Variants in RASEF observed in about 807,000 individuals in gnomAD.
RASEF encodes the protein ras and EF-hand domain-containing protein.
A neutral mutation model predicts 90.1 loss-of-function variants in RASEF; 68 were observed. That is an observed-to-expected ratio of 0.75 (90% CI 0.62 to 0.92). The LOEUF (loss-of-function observed/expected upper bound fraction) is 0.92, where lower values mean the gene tolerates loss of function less well. Ranked by LOEUF, RASEF falls within the 40% of genes least tolerant of loss-of-function variation. The pLI is 0.00. For missense variants in RASEF, 949 were observed against 937.2 expected, an observed-to-expected ratio of 1.01 and a Z score of -0.16; for synonymous variants, 331 against 345.2, an observed-to-expected ratio of 0.96 and a Z score of 0.46.
At chr9:83,089,903 TAGATAGATA>T in the RASEF span, among the ~76,000 whole-genome samples, 5 of 138,102 alleles carry the variant, frequency 3.6e-5, no homozygotes, top group African/African-American at 1.0e-4. Context: ...GATAGATAGA[TAGATAGATA>T]GATAGATAGA....
upstream of RASEF, among the ~76,000 whole-genome samples, chr9:83,063,477 C>T (rs992849459): frequency 1.3e-5 from 2 of 152,228 alleles, no homozygotes; most frequent in Admixed American, 1.3e-4. Context: ...ACTCCCGAAA[C>T]TTGATAAACT....
At chr9:83,042,868 A>C (rs1029004271) in intron 1 of RASEF, among the ~76,000 whole-genome samples, 2 of 152,112 alleles carry the variant, frequency 1.3e-5, no homozygotes. Flanking sequence ...CAGACAAAAG[A>C]CCCAGGAAGG....
In RASEF at chr9:83,031,464, T is replaced by C. The variant is rs1178187004; in HGVS notation, c.432-5543A>G. 3.3e-5 allele frequency among the ~76,000 whole-genome samples: 5 copies of C among 152,184 alleles called. No homozygotes were observed. In the East Asian group the frequency reaches 9.7e-4, roughly 29 times the overall value. ...TCATTTAATTCTCATGACAACTCTA[T>C]GAAGATGTTATCACTAGTATCCTAT... is the stretch of plus-strand genomic sequence containing the variant. On this transcript the variant is annotated intron_variant, in intron 1 of 16. Transcript: ENST00000376447.
chr9:83,006,920 C>T (rs1439527242), intron 7 of RASEF, among the ~76,000 whole-genome samples: 2 of 151,800 alleles, frequency 1.3e-5, no homozygotes, highest in African/African-American at 4.8e-5. Flanking sequence ...GGTAAAATGC[C>T]GTCTCTACTA....
intron 1 of RASEF, among the ~76,000 whole-genome samples, chr9:83,056,206 C>CATTG (rs1830101378): frequency 1.3e-5 from 2 of 152,144 alleles, no homozygotes; most frequent in Non-Finnish European, 2.9e-5. Context: ...TGAATATTTA[C>CATTG]AAGTTGAAGC....
the RASEF span, among the ~76,000 whole-genome samples, chr9:83,168,241 T>C: frequency 6.6e-6 from 1 of 152,186 alleles, no homozygotes; most frequent in African/African-American, 2.4e-5. Context: ...TGATTTACAT[T>C]ACTTTGATGT....
the RASEF span, among the ~76,000 whole-genome samples, chr9:83,122,054 A>G: frequency 6.6e-6 from 1 of 152,216 alleles, no homozygotes; most frequent in Non-Finnish European, 1.5e-5. Context: ...AAGAAGTGTT[A>G]TTATTTTTAA....
At chr9:83,097,464 G>A in the RASEF span, among the ~76,000 whole-genome samples, 9 of 152,230 alleles carry the variant, frequency 5.9e-5, no homozygotes, top group African/African-American at 1.9e-4. Flanking sequence ...GAGTGAACAG[G>A]CAACCTACAG....
chr9:83,021,866 C>G (rs1447563036), intron 3 of RASEF, among the ~76,000 whole-genome samples: 1 of 152,174 alleles, frequency 6.6e-6, no homozygotes, highest in Non-Finnish European at 1.5e-5. Flanking sequence ...CAAGTGATGA[C>G]TGTATTCCAT....
chr9:83,144,012 G>A, the RASEF span, among the ~76,000 whole-genome samples: 1 of 152,126 alleles, frequency 6.6e-6, no homozygotes, highest in African/African-American at 2.4e-5. Flanking sequence ...CAACATGGTT[G>A]GAGGTGGAGG....
intron 1 of RASEF, chr9:83,048,649 T>C: frequency 1.0e-6 from 1 of 985,464 alleles, no homozygotes; most frequent in South Asian, 4.7e-5. Context: ...CAGACGTTCC[T>C]TGTTTAGGAT....
chr9:83,164,371 A>T, the RASEF span, among the ~76,000 whole-genome samples: 2 of 145,438 alleles, frequency 1.4e-5, no homozygotes. Flanking sequence ...ATATATATAT[A>T]TATGTGTGTG....
chr9:83,115,883 C>T, the RASEF span, among the ~76,000 whole-genome samples: 1 of 149,104 alleles, frequency 6.7e-6, no homozygotes, highest in Non-Finnish European at 1.5e-5. Flanking sequence ...TGCTAAATTG[C>T]TAAAAAAAAA....
chr9:83,189,230 T>C, the RASEF span, among the ~76,000 whole-genome samples: 1 of 152,188 alleles, frequency 6.6e-6, no homozygotes, highest in Non-Finnish European at 1.5e-5. Flanking sequence ...GAGGGTTTTA[T>C]AAGGGGCTTT....
chr9:83,145,810 A>T, the RASEF span, among the ~76,000 whole-genome samples: 2 of 152,124 alleles, frequency 1.3e-5, no homozygotes, highest in Non-Finnish European at 2.9e-5. Context: ...TGCTATTAAG[A>T]TGTTTAATTT....
At chr9:82,989,339 T>TA (rs1828771892) in intron 16 of RASEF, among the ~76,000 whole-genome samples, 1 of 152,012 alleles carries the variant, frequency 6.6e-6, no homozygotes, top group Admixed American at 6.6e-5. Context: ...TTGCCTCTCA[T>TA]AAAAATGATA....
chr9:83,113,370 G>T, the RASEF span, among the ~76,000 whole-genome samples: 1 of 152,044 alleles, frequency 6.6e-6, no homozygotes, highest in Admixed American at 6.6e-5. Context: ...GACCACTATT[G>T]CACAAATTGA....
chr9:83,093,444 G>A, the RASEF span, among the ~76,000 whole-genome samples: 25 of 152,234 alleles, frequency 1.6e-4, no homozygotes, highest in African/African-American at 2.2e-4. Flanking sequence ...CCTGCCCCGC[G>A]GGAAGGCAGC....
chr9:83,079,508 C>T, the RASEF span, among the ~76,000 whole-genome samples: 6 of 152,124 alleles, frequency 3.9e-5, no homozygotes, highest in Non-Finnish European at 5.9e-5. Flanking sequence ...TAAGAACTCA[C>T]CCACTATCAA....
Sources: allele counts gnomAD v4.1 joint callset (sites outside exome capture counted in the v4.1 genomes callset), GRCh38; gene constraint gnomAD v4.1.1; transcripts MANE v1.5; gene names NCBI Gene and HGNC (gene_info 2026-07-23, HGNC 2026-07-21).